Variants in DSCAML1 observed in about 807,000 individuals in gnomAD.
The protein encoded by DSCAML1 is cell adhesion molecule DSCAML1.
DSCAML1 carries 38 observed loss-of-function variants against 200.5 expected under a neutral mutation model. The observed-to-expected ratio is 0.19, with a 90% CI of 0.15 to 0.25. The LOEUF (loss-of-function observed/expected upper bound fraction) is 0.25, where lower values mean the gene tolerates loss of function less well. Among genes scored for constraint, DSCAML1 ranks in the 10% least tolerant of loss-of-function variants. DSCAML1 has a pLI of 1.00. For synonymous variants in DSCAML1, 1,215 were observed against 1,165.0 expected (o/e 1.04, Z -0.87); for missense variants, 2,223 against 2,858.8 (o/e 0.78, Z 5.07).
chr11:117,768,852 G>A (rs1167482553), intron 3 of DSCAML1, among the ~76,000 whole-genome samples: 2 of 151,542 alleles, frequency 1.3e-5, no homozygotes, highest in African/African-American at 4.9e-5. Context: ...AACTTTCTGT[G>A]GATTGTCTTT....
intron 3 of DSCAML1, among the ~76,000 whole-genome samples, chr11:117,661,837 G>A (rs1252250215): frequency 6.6e-6 from 1 of 152,194 alleles, no homozygotes; most frequent in South Asian, 2.1e-4. Context: ...CATAGGGACT[G>A]GGCCTATGAA....
chr11:117,467,414 G>A (rs1388948938), intron 16 of DSCAML1, among the ~76,000 whole-genome samples: 1 of 152,146 alleles, frequency 6.6e-6, no homozygotes, highest in Non-Finnish European at 1.5e-5. Context: ...TTGAATCGGG[G>A]TTTTAAAGAC....
chr11:117,577,239 A>G (rs1426755720), intron 3 of DSCAML1, among the ~76,000 whole-genome samples: 1 of 152,180 alleles, frequency 6.6e-6, no homozygotes, highest in Admixed American at 6.5e-5. Context: ...ATCACCTGGA[A>G]CATATCTTAG....
At chr11:117,804,763 C>T (rs2055695257) in intron 1 of DSCAML1, among the ~76,000 whole-genome samples, 1 of 152,086 alleles carries the variant, frequency 6.6e-6, no homozygotes, top group African/African-American at 2.4e-5. Flanking sequence ...AGACCCATCT[C>T]TACAAAAACA....
chr11:117,662,121 G>C (rs895194446), intron 3 of DSCAML1, among the ~76,000 whole-genome samples: 1 of 152,222 alleles, frequency 6.6e-6, no homozygotes, highest in African/African-American at 2.4e-5. Flanking sequence ...CAGGACAAAG[G>C]CTGGTCTGTA....
rs2047943968 is a variant in DSCAML1 at position 117,437,465 on chromosome 11, G to A, written c.4433-56C>T. ...GAGAGATTTGGTGGGAGGCAGGACT[G>A]GACTGGGCTGGGCTGGAAAGGATTT... On this transcript the variant is annotated intron_variant, in intron 25 of 32. Transcript: ENST00000651296. The surrounding 1 kb of genome is among the most constrained non-coding windows in gnomAD (Gnocchi z 5.3). The A allele has an allele frequency of 1.3e-5, 20 of 1,566,872 alleles. 1 individual carries two copies. In the South Asian group the frequency reaches 1.8e-4, roughly 14 times the overall value.
intron 3 of DSCAML1, among the ~76,000 whole-genome samples, chr11:117,553,272 A>G (rs2050500678): frequency 6.6e-6 from 1 of 152,236 alleles, no homozygotes; most frequent in African/African-American, 2.4e-5. Flanking sequence ...ACAAAAGAAA[A>G]CAATAGATAA....
intron 1 of DSCAML1, among the ~76,000 whole-genome samples, chr11:117,802,283 C>T (rs1450688659): frequency 1.3e-5 from 2 of 152,138 alleles, no homozygotes; most frequent in Non-Finnish European, 1.5e-5. Context: ...CTGACCAGGC[C>T]TCCTCTGGTC....
At chr11:117,508,083 G>C (rs1429617943) in intron 8 of DSCAML1, among the ~76,000 whole-genome samples, 1 of 152,112 alleles carries the variant, frequency 6.6e-6, no homozygotes, top group Non-Finnish European at 1.5e-5. Flanking sequence ...CTTTCTGATG[G>C]ATTGTAGCAG....
At chr11:117,798,529 T>C (rs548584896), upstream of DSCAML1, among the ~76,000 whole-genome samples, 42 of 152,210 alleles carry the variant, frequency 2.8e-4, no homozygotes, top group Non-Finnish European at 4.4e-4. Flanking sequence ...ACATTCACGA[T>C]GTGCAACCAT....
intron 3 of DSCAML1, among the ~76,000 whole-genome samples, chr11:117,596,462 GAGA>G (rs751869460): frequency 2.8e-4 from 43 of 151,836 alleles, no homozygotes; most frequent in Non-Finnish European, 5.4e-4. Flanking sequence ...GGAGGAGAGA[GAGA>G]GAAGAGGGGA....
chr11:117,659,668 A>G (rs1200309653), intron 3 of DSCAML1, among the ~76,000 whole-genome samples: 1 of 152,014 alleles, frequency 6.6e-6, no homozygotes, highest in East Asian at 1.9e-4. Flanking sequence ...CTGGGCCAGT[A>G]TCAGCATCTA....
At chr11:117,573,654 C>T (rs2050884419) in intron 3 of DSCAML1, among the ~76,000 whole-genome samples, 1 of 152,236 alleles carries the variant, frequency 6.6e-6, no homozygotes, top group African/African-American at 2.4e-5. Context: ...CTGTCGCCGA[C>T]CACTTCAGTG....
chr11:117,784,755 C>T (rs1379200537), intron 1 of DSCAML1, among the ~76,000 whole-genome samples: 1 of 152,168 alleles, frequency 6.6e-6, no homozygotes, highest in Non-Finnish European at 1.5e-5. Context: ...TCAGGCAAGC[C>T]GCTTAGCCCT....
In DSCAML1 at chr11:117,797,067, T is replaced by C. The variant is rs142888916; in HGVS notation, c.13A>G (p.Thr5Ala). ...AAAGAGTCCAGGAGCAGGAGGAAAG[T>C]TACCAGCCACATGCCATAAAGAGGC... MWLVTFLLLLDSLHK... is the reference protein window; with the variant it reads MWLVAFLLLLDSLHK... Residue 5 changes from threonine (T) to alanine (A), a missense_variant, in exon 1 of 33, where the codon ACT becomes GCT. Coordinates refer to ENST00000651296, the MANE Select transcript of DSCAML1 (RefSeq NM_020693.4). 16 of 1,577,860 alleles carry C rather than the reference T, an allele frequency of 1.0e-5. No individual in the cohort carries two copies. In the African/African-American group the frequency reaches 1.7e-4, roughly 17 times the overall value.
chr11:117,804,641 A>G (rs1442485527), intron 1 of DSCAML1, among the ~76,000 whole-genome samples: 1 of 152,214 alleles, frequency 6.6e-6, no homozygotes, highest in Non-Finnish European at 1.5e-5. Flanking sequence ...CAACTTTAGC[A>G]ATATCTCGTC....
At chr11:117,765,170 A>T (rs760882717) in intron 3 of DSCAML1, among the ~76,000 whole-genome samples, 7 of 152,202 alleles carry the variant, frequency 4.6e-5, no homozygotes, top group Non-Finnish European at 7.3e-5. Flanking sequence ...GTCCAGGCCC[A>T]GGGCCCCTCC....
chr11:117,673,068 C>T (rs774175142), intron 3 of DSCAML1, among the ~76,000 whole-genome samples: 4 of 152,106 alleles, frequency 2.6e-5, no homozygotes, highest in African/African-American at 7.2e-5. Flanking sequence ...CGGTTTTCAT[C>T]GCCTGTTTTT....
intron 1 of DSCAML1, among the ~76,000 whole-genome samples, chr11:117,817,202 A>T (rs1486213841): frequency 6.6e-6 from 1 of 152,218 alleles, no homozygotes; most frequent in East Asian, 1.9e-4. Context: ...GACTTAGCAG[A>T]GACCCTGCAA....
Sources: gnomAD v4.1 joint callset for allele counts (sites outside exome capture counted in the v4.1 genomes callset) on GRCh38, gnomAD v4.1.1 for gene constraint, Gnocchi (gnomAD v3.1) non-coding constraint, MANE v1.5 for transcripts, NCBI Gene and HGNC (gene_info 2026-07-23, HGNC 2026-07-21) for gene names.